The following PPP1R42 variants were observed in gnomAD, a reference collection of about 807,000 sequenced individuals.
PPP1R42 encodes the protein leucine rich repeat containing 67.
A neutral mutation model predicts 31.0 loss-of-function variants in PPP1R42; 34 were observed. That is an observed-to-expected ratio of 1.10 (90% CI 0.83 to 1.46). The LOEUF (loss-of-function observed/expected upper bound fraction) is 1.46. Among genes scored for constraint, PPP1R42 ranks in the 40% most tolerant of loss-of-function variants. The pLI, the probability that PPP1R42 is intolerant of heterozygous loss-of-function variation, is 0.00. For missense variants in PPP1R42, 268 were observed against 303.0 expected (o/e 0.88, Z 0.86); for synonymous variants, 103 against 109.8 (o/e 0.94, Z 0.39).
rs184836317 is a variant in PPP1R42 at position 66,984,397 on chromosome 8, T to C, written c.671-2217A>G. On this transcript the variant is annotated intron_variant, in intron 6 of 7. Coordinates refer to ENST00000685739, the MANE Select transcript of PPP1R42 (RefSeq NM_001364910.1). ...CCACTTTATCCGATGCAGCATAAGA[T>C]GCTTCAATTTCTTCTGGGTCTTGGG... The C allele has an allele frequency of 2.6e-4, 336 of 1,311,192 alleles. 4 individuals are homozygous for C. The African/African-American group carries it at 4.4e-3, about 17-fold the overall frequency. The allele number at this position is 1,311,192 out of a possible 1,614,324, so 81.2% of individuals were successfully genotyped here. A position where few individuals can be genotyped will look rare whatever the true frequency, so the allele number is the denominator to read the frequency against.
rs370793750 is a variant in PPP1R42 at position 66,973,946 on chromosome 8, G to A, written c.802+8103C>T. Among the ~76,000 whole-genome samples, 9 of 152,122 alleles carry A rather than the reference G, an allele frequency of 5.9e-5. No individual in the cohort carries two copies. The South Asian group carries it at 1.4e-3, about 25-fold the overall frequency. On this transcript the variant is annotated intron_variant, in intron 7 of 7. Coordinates refer to ENST00000685739, the MANE Select transcript of PPP1R42 (RefSeq NM_001364910.1). ...TCTTTGTAAAGCTGAATAGTGTTCC[G>A]TGTTCCATTTAATATACACTTCCTT...
chr8:66,984,174 C>A, intron 6 of PPP1R42: 1 of 1,590,362 alleles, frequency 6.3e-7, no homozygotes, highest in Non-Finnish European at 8.6e-7. Flanking sequence ...GCGCAAGGTC[C>A]CAGTAATGTT....
chr8:66,976,150 A>G (rs544739518), intron 7 of PPP1R42, among the ~76,000 whole-genome samples: 1 of 152,216 alleles, frequency 6.6e-6, no homozygotes, highest in Non-Finnish European at 1.5e-5. Flanking sequence ...TGAACTGTGC[A>G]TGCGAGGGAT....
chr8:67,025,544 GT>G (rs112945724), intron 1 of PPP1R42, among the ~76,000 whole-genome samples: 90 of 141,372 alleles, frequency 6.4e-4, no homozygotes, highest in East Asian at 8.1e-4. Flanking sequence ...CCATCTTAGG[GT>G]TTTTTTTTTT....
Position 66,982,229 on chromosome 8 carries a change from A to G in PPP1R42, c.671-49T>C, listed in dbSNP as rs150530828. ...AAAAATACAATATATACATATAAAC[A>G]TAAGTCAAAATATGCACTTCTGGTT... is the stretch of plus-strand genomic sequence containing the variant. On this transcript the variant is annotated intron_variant, in intron 6 of 7. Coordinates refer to ENST00000685739, the MANE Select transcript of PPP1R42 (RefSeq NM_001364910.1). 18 of 877,062 alleles carry G rather than the reference A, an allele frequency of 2.1e-5. No individual in the cohort carries two copies. In the African/African-American group the frequency reaches 2.4e-4, roughly 12 times the overall value. 54.3% of individuals were successfully genotyped at this position (877,062 alleles called of 1,614,324 possible).
At chr8:66,983,153 T>C (rs1329097273) in intron 6 of PPP1R42, among the ~76,000 whole-genome samples, 3 of 152,192 alleles carry the variant, frequency 2.0e-5, no homozygotes, top group Non-Finnish European at 4.4e-5. Flanking sequence ...TATTCCCCAA[T>C]GAGAAATAAT....
chr8:66,992,226 A>G (rs528869075), intron 5 of PPP1R42, among the ~76,000 whole-genome samples: 1 of 152,246 alleles, frequency 6.6e-6, no homozygotes, highest in African/African-American at 2.4e-5. Context: ...GAAATCCCCA[A>G]TGTATGAAAA....
At chr8:66,991,100 C>T (rs1438372290) in intron 5 of PPP1R42, among the ~76,000 whole-genome samples, 1 of 152,118 alleles carries the variant, frequency 6.6e-6, no homozygotes, top group Non-Finnish European at 1.5e-5. Flanking sequence ...ACTAATATAT[C>T]TGATTTTGAG....
intron 5 of PPP1R42, among the ~76,000 whole-genome samples, chr8:67,007,265 G>T (rs969601264): frequency 2.6e-5 from 4 of 152,206 alleles, no homozygotes; most frequent in Admixed American, 1.3e-4. Flanking sequence ...CCTGGCACAT[G>T]TAATATATTA....
Position 66,984,884 on chromosome 8 carries a change from GT to G in PPP1R42, c.671-2705del, listed in dbSNP as rs1585645418. On this transcript the variant is annotated intron_variant, in intron 6 of 7. Transcript: ENST00000685739. ...GCTTCCCTCCTTGTCTGTCTCTGAA[GT>G]TTTTTCTGTTCCTTCTTGGTAAGAT... is the stretch of plus-strand genomic sequence containing the variant. The G allele has an allele frequency of 7.7e-6, 12 of 1,566,378 alleles. No individual in the cohort carries two copies. In the East Asian group the frequency reaches 2.7e-4, roughly 35 times the overall value.
intron 1 of PPP1R42, among the ~76,000 whole-genome samples, chr8:67,021,715 C>T (rs539417620): frequency 6.6e-6 from 1 of 152,212 alleles, no homozygotes; most frequent in Admixed American, 6.5e-5. Flanking sequence ...AAAATTTAGA[C>T]TACTCATGTT....
chr8:67,000,447 A>G (rs1474051459), intron 5 of PPP1R42, among the ~76,000 whole-genome samples: 1 of 152,008 alleles, frequency 6.6e-6, no homozygotes, highest in Non-Finnish European at 1.5e-5. Context: ...GTTTCATTTC[A>G]TATGGATTAT....
chr8:67,019,402 G>C (rs552276482), intron 1 of PPP1R42, among the ~76,000 whole-genome samples: 1 of 149,250 alleles, frequency 6.7e-6, no homozygotes, highest in Non-Finnish European at 1.5e-5. Context: ...CACCATGCCC[G>C]GCTAATTTTT....
At chr8:66,990,710 C>T (rs771004420) in intron 5 of PPP1R42, among the ~76,000 whole-genome samples, 11 of 152,216 alleles carry the variant, frequency 7.2e-5, no homozygotes, top group South Asian at 2.1e-4. Flanking sequence ...ATTTGACCAG[C>T]ATACTCCAAT....
At chr8:67,019,770 C>T (rs893110191) in intron 1 of PPP1R42, among the ~76,000 whole-genome samples, 8 of 151,576 alleles carry the variant, frequency 5.3e-5, no homozygotes, top group Non-Finnish European at 1.0e-4. Flanking sequence ...CGCCTGTAGT[C>T]CCAGCTACTT....
intron 6 of PPP1R42, among the ~76,000 whole-genome samples, chr8:66,983,134 T>A (rs147761025): frequency 1.1e-4 from 16 of 152,156 alleles, no homozygotes; most frequent in African/African-American, 3.4e-4. Flanking sequence ...ACACAAAAAA[T>A]AAAAAAATTA....
intron 1 of PPP1R42, among the ~76,000 whole-genome samples, chr8:67,024,650 A>AT (rs1346231157): frequency 1.3e-5 from 2 of 149,956 alleles, no homozygotes; most frequent in African/African-American, 2.5e-5. Flanking sequence ...AATTTGTTGT[A>AT]TTTTTTTTAG....
chr8:66,966,507 TG>T (rs1252982714), intron 7 of PPP1R42, among the ~76,000 whole-genome samples: 2 of 152,182 alleles, frequency 1.3e-5, no homozygotes, highest in Non-Finnish European at 2.9e-5. Flanking sequence ...TTGGATAGGC[TG>T]GGTGCGGTGG....
chr8:66,985,611 T>A, intron 6 of PPP1R42: 1 of 1,372,882 alleles, frequency 7.3e-7, no homozygotes, highest in South Asian at 1.2e-5. Context: ...GTAGTTCAGC[T>A]GTTTTCCTTG....
Sources: allele counts gnomAD v4.1 joint callset (sites outside exome capture counted in the v4.1 genomes callset), GRCh38; gene constraint gnomAD v4.1.1; transcripts MANE v1.5; gene names NCBI Gene and HGNC (gene_info 2026-07-23, HGNC 2026-07-21).